Variants in GNA14 observed in about 807,000 individuals in gnomAD.
GNA14 encodes guanine nucleotide-binding protein subunit alpha-14.
A neutral mutation model predicts 42.0 loss-of-function variants in GNA14; 50 were observed. That is an observed-to-expected ratio of 1.19 (90% confidence interval 0.95 to 1.51). The LOEUF (loss-of-function observed/expected upper bound fraction) is 1.51. GNA14 is among the 40% of genes most tolerant of loss of function. The pLI is 0.00. For synonymous variants in GNA14, 173 were observed against 163.1 expected (o/e 1.06, Z -0.46); for missense variants, 473 against 446.2 (o/e 1.06, Z -0.54).
intron 1 of GNA14, among the ~76,000 whole-genome samples, chr9:77,615,571 A>G (rs1469517564): frequency 6.6e-6 from 1 of 152,090 alleles, no homozygotes; most frequent in African/African-American, 2.4e-5. Context: ...AGAATGACCA[A>G]GCAGGGTCCA....
chr9:77,525,902 C>CTTT (rs200876343), intron 2 of GNA14, among the ~76,000 whole-genome samples: 3 of 80,504 alleles, frequency 3.7e-5, no homozygotes, highest in South Asian at 8.8e-4. Flanking sequence ...AGATTTGGGA[C>CTTT]TTTTTTTAAA....
chr9:77,617,162 G>A lies in GNA14; in HGVS notation c.124+30508C>T, dbSNP rs150502609. On this transcript the variant is annotated intron_variant, in intron 1 of 6. Coordinates refer to ENST00000341700, the MANE Select transcript of GNA14 (RefSeq NM_004297.4). ...TGGGATTACAGGCGTGAGCCACTGC[G>A]CTCGGCCTCTAGCCACAATGTGGTT... Among the ~76,000 whole-genome samples, 63 of 151,970 alleles carry A rather than the reference G, an allele frequency of 4.1e-4. 2 individuals are homozygous for A. In the East Asian group the frequency reaches 0.01, roughly 25 times the overall value.
intron 2 of GNA14, among the ~76,000 whole-genome samples, chr9:77,503,120 A>G (rs1837001453): frequency 6.6e-6 from 1 of 152,076 alleles, no homozygotes. Flanking sequence ...TTTTAAATAT[A>G]ATGTCAAGGA....
At chr9:77,557,061 C>A (rs1467075354) in intron 1 of GNA14, among the ~76,000 whole-genome samples, 1 of 152,204 alleles carries the variant, frequency 6.6e-6, no homozygotes, top group African/African-American at 2.4e-5. Context: ...CTTCTTGCAG[C>A]CCTTCATTTT....
At position 77,580,536 on chromosome 9, in the gene GNA14, C is replaced by T. The variant is rs142984429; in HGVS notation, c.125-51283G>A. 9.1e-4 allele frequency: 426 copies of T among 465,868 alleles called. 2 individuals carry two copies. Among genetic ancestry groups the T allele is most frequent in the African/African-American group, 7.1e-3 (359 of 50,234 alleles). 28.9% of individuals were successfully genotyped at this position (465,868 alleles called of 1,614,324 possible). ...TTAAGGTAGATGAAGACCCCATCAT[C>T]GGGTTCCACCAGATGTTCCTATTAA... On this transcript the variant is annotated intron_variant, in intron 1 of 6. Coordinates refer to ENST00000341700, the MANE Select transcript of GNA14 (RefSeq NM_004297.4).
intron 1 of GNA14, among the ~76,000 whole-genome samples, chr9:77,634,895 G>C (rs1824156872): frequency 6.6e-6 from 1 of 152,160 alleles, no homozygotes; most frequent in Non-Finnish European, 1.5e-5. Flanking sequence ...GGAGTTCAAG[G>C]TCTCATGTGA....
intron 1 of GNA14, among the ~76,000 whole-genome samples, chr9:77,592,935 A>G (rs1354187105): frequency 6.6e-6 from 1 of 152,158 alleles, no homozygotes; most frequent in Non-Finnish European, 1.5e-5. Flanking sequence ...TAATCATGGG[A>G]AAGTCACAGC....
At chr9:77,492,764 G>A (rs938698884) in intron 2 of GNA14, among the ~76,000 whole-genome samples, 2 of 151,874 alleles carry the variant, frequency 1.3e-5, no homozygotes, top group African/African-American at 4.8e-5. Flanking sequence ...CACTTTGGGA[G>A]GCCAAGGCAG....
intron 1 of GNA14, among the ~76,000 whole-genome samples, chr9:77,635,614 T>G (rs1824172235): frequency 6.6e-6 from 1 of 152,242 alleles, no homozygotes; most frequent in Non-Finnish European, 1.5e-5. Context: ...CCAAGGCTTA[T>G]GTCCATATAA....
chr9:77,481,425 A>G (rs889041643), intron 2 of GNA14, among the ~76,000 whole-genome samples: 3 of 152,034 alleles, frequency 2.0e-5, no homozygotes, highest in African/African-American at 7.2e-5. Flanking sequence ...AGTTTGTTAT[A>G]ATTTCTGTTC....
At chr9:77,517,553 A>T (rs1837276753) in intron 2 of GNA14, 1 of 119,330 alleles carries the variant, frequency 8.4e-6, no homozygotes, top group Admixed American at 9.6e-5. Context: ...GTGTATGTGT[A>T]TGTATGTGTA....
At chr9:77,477,764 C>G (rs1269536103) in intron 2 of GNA14, among the ~76,000 whole-genome samples, 3 of 151,980 alleles carry the variant, frequency 2.0e-5, no homozygotes, top group Admixed American at 2.0e-4. Context: ...TTATTATCTC[C>G]AAGAATCAGA....
At chr9:77,467,587 G>A (rs796764230) in intron 2 of GNA14, among the ~76,000 whole-genome samples, 3 of 150,104 alleles carry the variant, frequency 2.0e-5, no homozygotes, top group African/African-American at 7.4e-5. Context: ...ATGAACTTAG[G>A]CAAGAAATGC....
rs543623232 is a variant in GNA14, at chr9:77,459,330, G to A, written c.310-24808C>T. On this transcript the variant is annotated intron_variant, in intron 2 of 6. Transcript: ENST00000341700. ...ATTAAACATAAGGAGCAGGGGGATT[G>A]TCTTACTGTAAGATTGCCTGCAGCT... 7.2e-5 allele frequency among the ~76,000 whole-genome samples: 11 copies of A among 152,268 alleles called. No homozygotes were observed. In the South Asian group the frequency reaches 1.0e-3, roughly 14 times the overall value.
At chr9:77,630,114 T>G (rs1824074847) in intron 1 of GNA14, among the ~76,000 whole-genome samples, 1 of 76,842 alleles carries the variant, frequency 1.3e-5, no homozygotes, top group Non-Finnish European at 2.1e-5. Context: ...TGTTTTTTGT[T>G]TTTTTTTTTT....
chr9:77,428,714 G>GT (rs1250444438), intron 5 of GNA14, among the ~76,000 whole-genome samples, 193 bp downstream of exon 5: 1 of 152,182 alleles, frequency 6.6e-6, no homozygotes, highest in African/African-American at 2.4e-5. Context: ...GTTGGTCGGG[G>GT]TTGATTCAGT....
intron 1 of GNA14, among the ~76,000 whole-genome samples, chr9:77,637,707 C>A (rs925354051): frequency 6.6e-6 from 1 of 152,016 alleles, no homozygotes; most frequent in Non-Finnish European, 1.5e-5. Context: ...TATTTAAAAC[C>A]TAGCCGGGTG....
chr9:77,574,926 CACTA>C (rs908027087), intron 1 of GNA14, among the ~76,000 whole-genome samples: 7 of 152,316 alleles, frequency 4.6e-5, no homozygotes, highest in Middle Eastern at 6.8e-3. Flanking sequence ...ACTTGGCGAG[CACTA>C]ACTGTTAGCT....
At chr9:77,456,837 C>T (rs1467111650) in intron 2 of GNA14, among the ~76,000 whole-genome samples, 1 of 151,838 alleles carries the variant, frequency 6.6e-6, no homozygotes, top group Non-Finnish European at 1.5e-5. Flanking sequence ...AAAAATAAAT[C>T]AGCTAATAAT....
Sources: allele counts gnomAD v4.1 joint callset (sites outside exome capture counted in the v4.1 genomes callset), GRCh38; gene constraint gnomAD v4.1.1; transcripts MANE v1.5; gene names NCBI Gene and HGNC (gene_info 2026-07-23, HGNC 2026-07-21).